SEMA6D: variants seen among roughly 807,000 people sequenced by gnomAD.
The protein encoded by SEMA6D is semaphorin 6D.
A neutral mutation model predicts 106.6 loss-of-function variants in SEMA6D; 35 were observed. The observed-to-expected ratio is 0.33, with a 90% CI of 0.25 to 0.44. SEMA6D has a LOEUF of 0.44. SEMA6D is among the 20% of genes least tolerant of loss of function. The probability of loss-of-function intolerance (pLI) is 1.00; values close to 1 mark genes in which losing one functional copy is unlikely to be tolerated. For missense variants in SEMA6D, 1,185 were observed against 1,345.9 expected, an observed-to-expected ratio of 0.88 and a Z score of 1.87; for synonymous variants, 499 against 487.7, an observed-to-expected ratio of 1.02 and a Z score of -0.31.
At chr15:47,512,627 A>G (rs2044265747) in intron 3 of SEMA6D, among the ~76,000 whole-genome samples, 1 of 152,208 alleles carries the variant, frequency 6.6e-6, no homozygotes, top group Non-Finnish European at 1.5e-5. Context: ...GACTATTCTT[A>G]AAAGGCCTAG....
intron 1 of SEMA6D, among the ~76,000 whole-genome samples, chr15:47,243,832 G>A (rs530235552): frequency 3.3e-5 from 5 of 152,168 alleles, no homozygotes; most frequent in Non-Finnish European, 7.4e-5. Flanking sequence ...TCATTAATCC[G>A]CTCATTCATT....
intron 2 of SEMA6D, among the ~76,000 whole-genome samples, chr15:47,458,621 A>C (rs28597109): frequency 0.48 from 72,737 of 151,844 alleles, 18,447 homozygotes; most frequent in African/African-American, 0.65. Flanking sequence ...TGTATGTCAA[A>C]GAAGAAATCA....
At chr15:47,564,534 A>G (rs2142760818) in intron 3 of SEMA6D, among the ~76,000 whole-genome samples, 1 of 152,294 alleles carries the variant, frequency 6.6e-6, no homozygotes, top group South Asian at 2.1e-4. Flanking sequence ...CTGATATAAG[A>G]CTATTTATAG....
intron 1 of SEMA6D, among the ~76,000 whole-genome samples, chr15:47,207,880 G>A (rs1895181409): frequency 6.6e-6 from 1 of 151,974 alleles, no homozygotes; most frequent in Non-Finnish European, 1.5e-5. Context: ...TTTTACAGAT[G>A]CCTTCTAGGG....
intron 1 of SEMA6D, among the ~76,000 whole-genome samples, chr15:47,312,347 A>G (rs929877012): frequency 6.6e-6 from 1 of 152,144 alleles, no homozygotes; most frequent in East Asian, 1.9e-4. Flanking sequence ...TGCATATATG[A>G]TTGAGCATAA....
At chr15:47,382,611 A>T (rs375636425) in intron 1 of SEMA6D, among the ~76,000 whole-genome samples, 11 of 152,366 alleles carry the variant, frequency 7.2e-5, no homozygotes, top group African/African-American at 2.6e-4. Flanking sequence ...ATAAGATCAC[A>T]CAAATGCTGC....
At chr15:47,230,216 A>C (rs2032094942) in intron 1 of SEMA6D, among the ~76,000 whole-genome samples, 1 of 152,066 alleles carries the variant, frequency 6.6e-6, no homozygotes, top group Admixed American at 6.6e-5. Context: ...AATCTGCTCC[A>C]GTTTTTGCCT....
At chr15:47,228,026 T>C (rs2031906425) in intron 1 of SEMA6D, among the ~76,000 whole-genome samples, 1 of 143,254 alleles carries the variant, frequency 7.0e-6, no homozygotes, top group African/African-American at 2.5e-5. Context: ...TCATATATTT[T>C]TTATATATAT....
At chr15:47,737,343 G>C (rs1222092914) in intron 1 of SEMA6D, among the ~76,000 whole-genome samples, 4 of 152,058 alleles carry the variant, frequency 2.6e-5, no homozygotes, top group Non-Finnish European at 5.9e-5. Flanking sequence ...AGAAAAATGA[G>C]CTGTTTATTT....
intron 3 of SEMA6D, among the ~76,000 whole-genome samples, chr15:47,484,988 A>C (rs1420662703): frequency 6.6e-6 from 1 of 152,222 alleles, no homozygotes; most frequent in Non-Finnish European, 1.5e-5. Context: ...CAAGGGTTAC[A>C]TAAGGATGTC....
rs11528 is a variant in SEMA6D, at chr15:47,774,061, G to C, written c.*2276G>C. On this transcript the variant is annotated 3_prime_UTR_variant, in exon 19 of 19. Coordinates refer to ENST00000536845, the MANE Select transcript of SEMA6D (RefSeq NM_001358351.3). ...AGATTGTATCTTTTTTAATGGTACG[G>C]CATAAAAAGTAACCCTCAAGTGAAG... 0.019 allele frequency: 2,916 copies of C among 152,534 alleles called. 55 individuals carry two copies. The highest frequency in any genetic ancestry group is 0.029 in the Non-Finnish European group (1,989 of 67,998). The allele number at this position is 152,534 out of a possible 1,614,324, so 9.4% of individuals were successfully genotyped here. A position where few individuals can be genotyped will look rare whatever the true frequency, so the allele number is the denominator to read the frequency against.
intron 3 of SEMA6D, among the ~76,000 whole-genome samples, chr15:47,476,864 G>A (rs1046763603): frequency 6.6e-5 from 10 of 152,146 alleles, no homozygotes; most frequent in Admixed American, 3.9e-4. Flanking sequence ...TGGTCAGGTC[G>A]TATCTTTAAA....
chr15:47,701,974 A>G (rs1435902302), intron 4 of SEMA6D, among the ~76,000 whole-genome samples: 1 of 152,194 alleles, frequency 6.6e-6, no homozygotes, highest in Non-Finnish European at 1.5e-5. Context: ...AAAGTGGCCC[A>G]CTGCGGTCAA....
chr15:47,568,851 A>C (rs1348127557), intron 3 of SEMA6D, among the ~76,000 whole-genome samples: 1 of 152,130 alleles, frequency 6.6e-6, no homozygotes, highest in African/African-American at 2.4e-5. Context: ...AGTGCTTTTT[A>C]AACTATAGAG....
At chr15:47,244,855 C>G (rs2033113646) in intron 1 of SEMA6D, among the ~76,000 whole-genome samples, 1 of 152,132 alleles carries the variant, frequency 6.6e-6, no homozygotes, top group East Asian at 1.9e-4. Context: ...CTCCCGTCAT[C>G]CCCCTCGCGG....
chr15:47,701,678 T>C (rs2078815212), intron 4 of SEMA6D, among the ~76,000 whole-genome samples: 2 of 152,298 alleles, frequency 1.3e-5, no homozygotes, highest in South Asian at 4.1e-4. Context: ...AAAAAGACTT[T>C]TGTTCCAGAA....
intron 1 of SEMA6D, among the ~76,000 whole-genome samples, chr15:47,353,348 A>G (rs1219904925): frequency 6.6e-6 from 1 of 152,170 alleles, no homozygotes; most frequent in African/African-American, 2.4e-5. Context: ...GCCTAGAGCC[A>G]ATGAAATAAA....
At chr15:47,466,241 G>A (rs1431990191) in intron 2 of SEMA6D, among the ~76,000 whole-genome samples, 1 of 152,094 alleles carries the variant, frequency 6.6e-6, no homozygotes, top group African/African-American at 2.4e-5. Flanking sequence ...TTTCCATGTT[G>A]TATATTGGAT....
chr15:47,745,848 A>T (rs975522071), intron 1 of SEMA6D, among the ~76,000 whole-genome samples: 1 of 152,228 alleles, frequency 6.6e-6, no homozygotes, highest in Non-Finnish European at 1.5e-5. Flanking sequence ...AGTAGGAAAA[A>T]ATACATTTAA....
Sources: gnomAD v4.1 joint callset for allele counts (sites outside exome capture counted in the v4.1 genomes callset) on GRCh38, gnomAD v4.1.1 for gene constraint, MANE v1.5 for transcripts, NCBI Gene and HGNC (gene_info 2026-07-23, HGNC 2026-07-21) for gene names.